Variants in VPS13B observed in about 807,000 individuals in gnomAD.
VPS13B encodes the protein intermembrane lipid transfer protein VPS13B.
VPS13B carries 285 observed loss-of-function variants against 426.4 expected under a neutral mutation model. The ratio of observed to expected loss-of-function variants is 0.67; its 90% CI spans 0.61 to 0.74. VPS13B has a LOEUF of 0.74. VPS13B is among the 30% of genes least tolerant of loss of function. The probability of loss-of-function intolerance (pLI) is 0.00; values close to 1 mark genes in which losing one functional copy is unlikely to be tolerated. For missense variants in VPS13B, 4,537 were observed against 4,782.6 expected, an observed-to-expected ratio of 0.95 and a Z score of 1.51; for synonymous variants, 1,676 against 1,676.4, an observed-to-expected ratio of 1.00 and a Z score of 0.01.
At chr8:99,144,695 CCTTA>C (rs1488726762) in intron 13 of VPS13B, among the ~76,000 whole-genome samples, 4 of 152,132 alleles carry the variant, frequency 2.6e-5, no homozygotes, top group African/African-American at 9.7e-5. Context: ...ATTTATTATA[CCTTA>C]CTTGAATGCC....
chr8:99,869,693 C>G (rs1035708507), intron 59 of VPS13B, among the ~76,000 whole-genome samples: 1 of 152,116 alleles, frequency 6.6e-6, no homozygotes, highest in Non-Finnish European at 1.5e-5. Flanking sequence ...TGCCATTGTC[C>G]CTCACCGTGT....
chr8:99,256,472 T>C (rs1817747544), intron 17 of VPS13B, among the ~76,000 whole-genome samples: 1 of 152,200 alleles, frequency 6.6e-6, no homozygotes. Context: ...GGAATCGCGA[T>C]ACTGTTTTCC....
At chr8:99,693,812 C>A (rs1310194564) in intron 35 of VPS13B, among the ~76,000 whole-genome samples, 3 of 150,130 alleles carry the variant, frequency 2.0e-5, no homozygotes, top group Admixed American at 1.3e-4. Context: ...GTCTCAGCCC[C>A]AAATCTCCTT....
chr8:99,797,745 T>C (rs1481049538), intron 43 of VPS13B, among the ~76,000 whole-genome samples: 1 of 152,222 alleles, frequency 6.6e-6, no homozygotes, highest in Non-Finnish European at 1.5e-5. Context: ...CTTTCATGTA[T>C]GTCTAACTCT....
At chr8:99,070,698 T>C (rs890532829) in intron 3 of VPS13B, among the ~76,000 whole-genome samples, 1 of 152,190 alleles carries the variant, frequency 6.6e-6, no homozygotes, top group Non-Finnish European at 1.5e-5. Context: ...GTTTTCTCAT[T>C]CTGCATACTG....
At chr8:99,472,619 G>C (rs1285576255) in intron 24 of VPS13B, among the ~76,000 whole-genome samples, 1 of 151,688 alleles carries the variant, frequency 6.6e-6, no homozygotes, top group African/African-American at 2.4e-5. Flanking sequence ...TTCAATTTTA[G>C]AAAGCTAAGA....
chr8:99,182,045 A>G (rs2132697320), intron 16 of VPS13B, among the ~76,000 whole-genome samples: 1 of 152,336 alleles, frequency 6.6e-6, no homozygotes, highest in East Asian at 1.9e-4. Context: ...ACTATACATA[A>G]GGGAATTGCA....
chr8:99,281,194 C>T (rs1188035826), intron 19 of VPS13B, among the ~76,000 whole-genome samples: 1 of 152,220 alleles, frequency 6.6e-6, no homozygotes, highest in African/African-American at 2.4e-5. Flanking sequence ...GCATCTAATG[C>T]TGCTGCTGAT....
Position 99,135,698 on chromosome 8 carries a change from C to A in VPS13B, c.1528C>A (p.Arg510Ser), listed in dbSNP as rs139141291. Reference sequence around the variant, plus strand: ...CCGAAGCCCAGAAAATAATGGTACTCGCGCAGAATTTATCTTGGATTCAAC... The same window carrying A: ...CCGAAGCCCAGAAAATAATGGTACTAGCGCAGAATTTATCTTGGATTCAAC... ...DYRSPENNGT[R>S]AEFILDSTHH... is the part of the protein sequence containing the mutation. Residue 510 changes from arginine to serine, a missense_variant, in exon 11 of 62, where the codon CGC becomes AGC. Transcript: ENST00000357162. 1 of 1,613,320 alleles carries A rather than the reference C, an allele frequency of 6.2e-7. No homozygotes were observed.
chr8:99,754,652 A>G (rs1810551691), intron 39 of VPS13B, among the ~76,000 whole-genome samples: 1 of 152,122 alleles, frequency 6.6e-6, no homozygotes, highest in Non-Finnish European at 1.5e-5. Flanking sequence ...TCCTCCAGCC[A>G]TCAGTTTAAA....
intron 17 of VPS13B, among the ~76,000 whole-genome samples, chr8:99,255,564 C>T (rs1177564234): frequency 1.3e-5 from 2 of 152,210 alleles, no homozygotes; most frequent in Non-Finnish European, 2.9e-5. Context: ...CCACTTATTA[C>T]TGCTAGGGGA....
chr8:99,406,685 A>G (rs940043999), intron 21 of VPS13B, among the ~76,000 whole-genome samples: 2 of 152,100 alleles, frequency 1.3e-5, no homozygotes, highest in African/African-American at 4.8e-5. Context: ...AGTGTTCTCC[A>G]CTCTGTGCTA....
chr8:99,147,750 C>T, intron 13 of VPS13B, 91 bp from the exon 14 acceptor site: 1 of 849,146 alleles, frequency 1.2e-6, no homozygotes, highest in Non-Finnish European at 1.6e-6. Flanking sequence ...AGGATTTGAC[C>T]TTATAGTTTG....
intron 15 of VPS13B, among the ~76,000 whole-genome samples, chr8:99,165,154 A>G (rs1007755934): frequency 3.3e-5 from 5 of 152,364 alleles, no homozygotes; most frequent in African/African-American, 1.2e-4. Flanking sequence ...TAGCTAACAT[A>G]TATTATGTCA....
At chr8:99,798,683 C>T (rs955934521) in intron 43 of VPS13B, among the ~76,000 whole-genome samples, 9 of 152,134 alleles carry the variant, frequency 5.9e-5, no homozygotes. Flanking sequence ...TCTCTCTCTT[C>T]CTCCCCTGGC....
chr8:99,343,099 T>TC (rs1811341784), intron 19 of VPS13B, among the ~76,000 whole-genome samples: 1 of 147,794 alleles, frequency 6.8e-6, no homozygotes, highest in East Asian at 1.9e-4. Context: ...TTTTCTTTCT[T>TC]TTTTTTTTTT....
intron 35 of VPS13B, among the ~76,000 whole-genome samples, chr8:99,698,559 A>G (rs368612037): frequency 6.6e-6 from 1 of 151,930 alleles, no homozygotes; most frequent in African/African-American, 2.4e-5. Flanking sequence ...TAACTTAATA[A>G]TAATATGCCT....
intron 33 of VPS13B, among the ~76,000 whole-genome samples, chr8:99,605,221 A>G (rs548381691): frequency 4.1e-4 from 63 of 152,322 alleles, no homozygotes; most frequent in African/African-American, 1.4e-3. Context: ...ATAAATGCCT[A>G]TTTGTTGACT....
chr8:99,692,825 A>G (rs1831745796), intron 35 of VPS13B, among the ~76,000 whole-genome samples: 1 of 147,022 alleles, frequency 6.8e-6, no homozygotes, highest in Non-Finnish European at 1.5e-5. Context: ...AAAAGAGAGA[A>G]GAATCAAATA....
Sources: allele counts gnomAD v4.1 joint callset (sites outside exome capture counted in the v4.1 genomes callset), GRCh38; gene constraint gnomAD v4.1.1; transcripts MANE v1.5; gene names NCBI Gene and HGNC (gene_info 2026-07-23, HGNC 2026-07-21).